HAT1: variants seen among roughly 807,000 people sequenced by gnomAD.
HAT1 encodes the protein histone acetyltransferase type B catalytic subunit.
In HAT1, 20 loss-of-function variants were observed where a neutral mutation model predicts 56.6. The ratio of observed to expected loss-of-function variants is 0.35; its 90% confidence interval spans 0.25 to 0.51. HAT1 has a LOEUF of 0.51. HAT1 is among the 20% of genes least tolerant of loss of function. HAT1 has a pLI of 0.95. For missense variants in HAT1, 408 were observed against 504.3 expected (o/e 0.81, Z 1.83); for synonymous variants, 146 against 165.5 (o/e 0.88, Z 0.91).
intron 3 of HAT1, 127 bp from the exon 4 acceptor site, chr2:171,952,753 GA>G (rs1355428687): frequency 5.8e-6 from 3 of 520,948 alleles, no homozygotes; most frequent in Non-Finnish European, 1.0e-5. Flanking sequence ...TTTTATTGTA[GA>G]TTTTTTTTTT....
At chr2:171,922,658 G>A (rs1686468927) in intron 1 of HAT1, 151 bp downstream of exon 1, 1 of 556,708 alleles carries the variant, frequency 1.8e-6, no homozygotes, top group African/African-American at 1.9e-5. Flanking sequence ...GGAACTCTCA[G>A]CCCAGCAGCT....
intron 2 of HAT1, among the ~76,000 whole-genome samples, chr2:171,928,529 G>C (rs1330087035): frequency 6.6e-6 from 1 of 152,116 alleles, no homozygotes; most frequent in Non-Finnish European, 1.5e-5. Context: ...TGTTGTTTGA[G>C]ACAGAGTCTC....
At chr2:171,951,071 G>A (rs11883977) in intron 3 of HAT1, among the ~76,000 whole-genome samples, 30,917 of 151,994 alleles carry the variant, frequency 0.2, 4,356 homozygotes, top group African/African-American at 0.37. Context: ...TCGGCCTCCC[G>A]AAGTGCTGGG....
chr2:171,940,953 GC>G (rs1687004206), intron 2 of HAT1, among the ~76,000 whole-genome samples: 1 of 152,120 alleles, frequency 6.6e-6, no homozygotes, highest in South Asian at 2.1e-4. Flanking sequence ...ACTAGGGTTA[GC>G]AAAAAGACTT....
At chr2:171,936,736 A>G (rs1441481035) in intron 2 of HAT1, among the ~76,000 whole-genome samples, 3 of 152,158 alleles carry the variant, frequency 2.0e-5, no homozygotes, top group Non-Finnish European at 4.4e-5. Context: ...TTAAAATTAT[A>G]TAATTAAGCT....
intron 4 of HAT1, among the ~76,000 whole-genome samples, chr2:171,956,178 TAA>T (rs71013096): frequency 4.5e-4 from 42 of 92,820 alleles, no homozygotes; most frequent in African/African-American, 6.3e-4. Flanking sequence ...ACCCTGTCTT[TAA>T]AAAAAAAAAA....
intron 2 of HAT1, among the ~76,000 whole-genome samples, chr2:171,928,251 C>G (rs1686648171): frequency 6.6e-6 from 1 of 152,170 alleles, no homozygotes; most frequent in Admixed American, 6.5e-5. Context: ...TAGGTGAACA[C>G]ATTGCTGTTA....
At position 171,965,396 on chromosome 2, in the gene HAT1, C is replaced by T. The variant is rs765276250; in HGVS notation, c.368C>T (p.Thr123Met). ...QIIPPGFCTN[T>M]NDFLSLLEKE... ...ATTCCACCTGGATTTTGCACAAACA[C>T]GAATGATTTCCTTTCTTTACTGGAA... is the stretch of plus-strand genomic sequence containing the variant. Residue 123 changes from threonine (T) to methionine (M), a missense_variant, in exon 5 of 11, where the codon ACG becomes ATG. Coordinates refer to ENST00000264108, the MANE Select transcript of HAT1 (RefSeq NM_003642.4). 8.1e-6 allele frequency: 13 copies of T among 1,611,248 alleles called. No homozygotes were observed. The Admixed American group carries it at 1.3e-4, about 17-fold the overall frequency.
At chr2:171,967,828 C>T (rs1276224791) in intron 8 of HAT1, among the ~76,000 whole-genome samples, 1 of 151,904 alleles carries the variant, frequency 6.6e-6, no homozygotes, top group Non-Finnish European at 1.5e-5. Context: ...TTAACATGCA[C>T]TAAAACATTA....
intron 2 of HAT1, among the ~76,000 whole-genome samples, chr2:171,940,177 T>C (rs778045528): frequency 6.6e-6 from 1 of 152,204 alleles, no homozygotes; most frequent in Non-Finnish European, 1.5e-5. Context: ...GTTTCCCTGA[T>C]ATGTAATCAT....
chr2:171,940,684 T>C (rs1686998622), intron 2 of HAT1, among the ~76,000 whole-genome samples: 1 of 152,200 alleles, frequency 6.6e-6, no homozygotes, highest in Admixed American at 6.5e-5. Flanking sequence ...TAATGCAGGG[T>C]GCTTGGTCTC....
intron 4 of HAT1, among the ~76,000 whole-genome samples, chr2:171,958,859 C>T (rs554470503): frequency 7.9e-5 from 12 of 152,040 alleles, no homozygotes; most frequent in East Asian, 1.9e-4. Context: ...ACTAATTGTG[C>T]GTAGCATGAA....
intron 3 of HAT1, among the ~76,000 whole-genome samples, chr2:171,948,181 A>G (rs1031144010): frequency 2.0e-5 from 3 of 152,142 alleles, no homozygotes; most frequent in Non-Finnish European, 4.4e-5. Flanking sequence ...TTCACTATGT[A>G]TTTCCTAAAA....
At chr2:171,938,561 GTA>G (rs1396437985) in intron 2 of HAT1, among the ~76,000 whole-genome samples, 4 of 152,148 alleles carry the variant, frequency 2.6e-5, no homozygotes, top group Non-Finnish European at 5.9e-5. Flanking sequence ...CACCTGAAGT[GTA>G]TTGCTTATGT....
At chr2:171,931,524 A>G (rs1686746223) in intron 2 of HAT1, among the ~76,000 whole-genome samples, 1 of 151,680 alleles carries the variant, frequency 6.6e-6, no homozygotes, top group Non-Finnish European at 1.5e-5. Context: ...AAATACAAAA[A>G]TTAGCTGGGC....
Position 171,983,063 on chromosome 2 carries a change from T to C in HAT1, c.1093-122T>C, listed in dbSNP as rs1688172761. The stretch of plus-strand genomic sequence containing the variant: ...ACAAAACAAAACAAAAAAAAAACAT[T>C]GTGGGACAAGTTTGGGCGTATTCAT... On this transcript the variant is annotated intron_variant, in intron 10 of 10. Transcript: ENST00000264108. The C allele has an allele frequency of 7.2e-6, 4 of 551,896 alleles. No homozygotes were observed. The South Asian group carries it at 1.0e-4, about 14-fold the overall frequency. 34.2% of individuals were successfully genotyped at this position (551,896 alleles called of 1,614,324 possible).
intron 2 of HAT1, among the ~76,000 whole-genome samples, chr2:171,926,355 G>A (rs1000877807): frequency 2.2e-4 from 33 of 152,104 alleles, no homozygotes; most frequent in African/African-American, 8.0e-4. Context: ...GTGCAATGGC[G>A]TGATCCTGGC....
chr2:171,930,807 G>A (rs1044731062), intron 2 of HAT1, among the ~76,000 whole-genome samples: 4 of 151,676 alleles, frequency 2.6e-5, no homozygotes, highest in African/African-American at 9.7e-5. Context: ...TAGGGACAGG[G>A]CCTCACTATA....
At chr2:171,966,140 G>C (rs376194532) in intron 6 of HAT1, 3 of 592,404 alleles carry the variant, frequency 5.1e-6, no homozygotes, top group African/African-American at 1.9e-5. Context: ...ACAGTAAAAT[G>C]AGCTTTGCCT....
Sources: gnomAD v4.1 joint callset for allele counts (sites outside exome capture counted in the v4.1 genomes callset) on GRCh38, gnomAD v4.1.1 for gene constraint, MANE v1.5 for transcripts, NCBI Gene and HGNC (gene_info 2026-07-23, HGNC 2026-07-21) for gene names.